Variants in C1QTNF6 observed in about 807,000 individuals in gnomAD.
C1QTNF6 encodes the protein C1q and TNF related 6.
A neutral mutation model predicts 20.7 loss-of-function variants in C1QTNF6; 17 were observed. The ratio of observed to expected loss-of-function variants is 0.82; its 90% CI spans 0.56 to 1.23. The LOEUF (loss-of-function observed/expected upper bound fraction) is 1.23, where lower values mean the gene tolerates loss of function less well. C1QTNF6 is among the 50% of genes most tolerant of loss of function. The pLI is 0.00. For synonymous variants in C1QTNF6, 130 were observed against 156.3 expected (o/e 0.83, Z 1.25); for missense variants, 329 against 389.7 (o/e 0.84, Z 1.31).
chr22:37,196,859 C>G (rs1925167531), intron 1 of C1QTNF6: 1 of 152,254 alleles, frequency 6.6e-6, no homozygotes, highest in Non-Finnish European at 1.5e-5. Flanking sequence ...CCCCTGGGCT[C>G]TGCGTCCTCA....
In C1QTNF6 at chr22:37,184,565, A is replaced by G; in HGVS notation, c.289+653T>C. Reference sequence around the variant, plus strand: ...TCACCTGGATGGCCCTCACCTGGACAGGCCCCACAGGGCTGCATGCTCCGA... The same window carrying G: ...TCACCTGGATGGCCCTCACCTGGACGGGCCCCACAGGGCTGCATGCTCCGA... On this transcript the variant is annotated intron_variant, in intron 2 of 2. Coordinates refer to ENST00000337843, the MANE Select transcript of C1QTNF6 (RefSeq NM_031910.4). This position sits in a 1 kb window ranked among gnomAD's most constrained non-coding sequence, Gnocchi z 4.0. 1.5e-6 allele frequency: 1 copy of G among 657,578 alleles called. No individual in the cohort carries two copies. The highest frequency in any genetic ancestry group is 2.8e-6 in the Non-Finnish European group (1 of 358,044). 40.7% of individuals were successfully genotyped at this position (657,578 alleles called of 1,614,324 possible). A position where few individuals can be genotyped will look rare whatever the true frequency, so the allele number is the denominator to read the frequency against.
intron 1 of C1QTNF6, among the ~76,000 whole-genome samples, chr22:37,187,860 G>T (rs2145772652): frequency 6.6e-6 from 1 of 152,222 alleles, no homozygotes; most frequent in African/African-American, 2.4e-5. Context: ...GACTTTTGGG[G>T]TCCTTGCTGC....
rs140234868 is a variant in C1QTNF6, at chr22:37,182,193, C to A, written c.832G>T (p.Asp278Tyr). The A allele has an allele frequency of 6.2e-7, 1 of 1,607,904 alleles. No individual in the cohort carries two copies. The change falls in exon 3 of 3, where the codon GAC becomes TAC. Residue 278 changes from aspartate (D) to tyrosine (Y), a missense_variant. By Grantham distance (160) the Asp-to-Tyr change is radical. Transcript: ENST00000337843. The stretch of plus-strand genomic sequence containing the variant: ...GGAGGGTGGCCCAGAGGCCCTCAGT[C>A]GTCCTCGGCCTTGATGAGGTGGCCG... ...FSGHLIKAEDD is the reference protein window; with the variant it reads ...FSGHLIKAEDY
intron 1 of C1QTNF6, among the ~76,000 whole-genome samples, chr22:37,186,587 G>A (rs1253260039): frequency 1.3e-5 from 2 of 152,232 alleles, no homozygotes; most frequent in African/African-American, 2.4e-5. Flanking sequence ...GGGGTCTAGG[G>A]CTCCAGGAGA....
rs747547190 is a variant in C1QTNF6, at chr22:37,185,315, G to T, written c.192C>A (p.Asp64Glu). 2.4e-5 allele frequency: 38 copies of T among 1,613,372 alleles called. No homozygotes were observed. In the South Asian group the frequency reaches 3.6e-4, roughly 15 times the overall value. Residue 64 changes from aspartate to glutamate, a missense_variant, in exon 2 of 3, where the codon GAC (aspartate) becomes GAA (glutamate). Physicochemically the swap from Asp to Glu is conservative, Grantham distance 45 (BLOSUM62 2). Transcript: ENST00000337843. ...SGCQRCCDSE[D>E]PLDPAHVSSA... ...AGGATACATGGGCAGGATCCAGGGG[G>T]TCCTCAGAGTCACAGCACCGTTGGC...
chr22:37,184,412 G>A lies in C1QTNF6; in HGVS notation c.289+806C>T, dbSNP rs1311020100. Reference sequence around the variant, plus strand: ...TCACAGCCGTCAGCCACCACAGCCTGGAAGGGAAGCGAGTCCTTCCACGTC... The same window carrying A: ...TCACAGCCGTCAGCCACCACAGCCTAGAAGGGAAGCGAGTCCTTCCACGTC... On this transcript the variant is annotated intron_variant, in intron 2 of 2. Coordinates refer to ENST00000337843, the MANE Select transcript of C1QTNF6 (RefSeq NM_031910.4). This position sits in a 1 kb window ranked among gnomAD's most constrained non-coding sequence, Gnocchi z 4.0. The A allele has an allele frequency of 1.4e-6, 1 of 717,340 alleles. No homozygotes were observed. The highest frequency in any genetic ancestry group is 2.6e-6 in the Non-Finnish European group (1 of 385,038). The allele number at this position is 717,340 out of a possible 1,614,324, so 44.4% of individuals were successfully genotyped here. A position where few individuals can be genotyped will look rare whatever the true frequency, so the allele number is the denominator to read the frequency against.
chr22:37,185,677 T>C, intron 1 of C1QTNF6: 2 of 1,246,006 alleles, frequency 1.6e-6, no homozygotes. Context: ...GCCTGCATGC[T>C]GAGTCTCCGG....
At chr22:37,186,695 G>C (rs575264522) in intron 1 of C1QTNF6, among the ~76,000 whole-genome samples, 11 of 152,304 alleles carry the variant, frequency 7.2e-5, no homozygotes, top group Non-Finnish European at 1.3e-4. Flanking sequence ...TGCAGCTTCT[G>C]GGGGCTGGTG....
intron 2 of C1QTNF6, among the ~76,000 whole-genome samples, chr22:37,194,660 G>A (rs1056870253): frequency 6.6e-6 from 1 of 152,184 alleles, no homozygotes; most frequent in African/African-American, 2.4e-5. Flanking sequence ...AGGCTGCATG[G>A]GGAAACCAAA....
In C1QTNF6 at chr22:37,185,933, A is replaced by T. The variant is rs944989878; in HGVS notation, c.52-478T>A. 7.1e-6 allele frequency: 7 copies of T among 986,164 alleles called. No homozygotes were observed. The East Asian group carries it at 5.7e-4, about 80-fold the overall frequency. The allele number at this position is 986,164 out of a possible 1,614,324, so 61.1% of individuals were successfully genotyped here. On this transcript the variant is annotated intron_variant, in intron 1 of 2. Transcript: ENST00000337843. Reference sequence around the variant, plus strand: ...TCCAGCAAACACATGCCCTCCGGGCAGGAGGACTGAGGTTAGTGAACACTG... The same window carrying T: ...TCCAGCAAACACATGCCCTCCGGGCTGGAGGACTGAGGTTAGTGAACACTG...
intron 1 of C1QTNF6, among the ~76,000 whole-genome samples, chr22:37,186,239 T>C (rs1284941665): frequency 6.6e-6 from 1 of 152,160 alleles, no homozygotes; most frequent in Admixed American, 6.5e-5. Context: ...AAGGTGCCCC[T>C]CTGGACAAAT....
intron 2 of C1QTNF6, among the ~76,000 whole-genome samples, chr22:37,194,208 G>A (rs1443550523): frequency 4.6e-5 from 7 of 152,158 alleles, no homozygotes; most frequent in African/African-American, 7.2e-5. Context: ...TGTAACTGAC[G>A]AGTTTGCTGG....
At chr22:37,188,124 AC>A in intron 1 of C1QTNF6, 38 bp downstream of exon 1, 1 of 1,580,514 alleles carries the variant, frequency 6.3e-7, no homozygotes, top group Non-Finnish European at 8.6e-7. Flanking sequence ...CCAGGCTCTG[AC>A]CCCAGCCCCC....
chr22:37,188,076 G>C, intron 1 of C1QTNF6, 87 bp downstream of exon 1: 1 of 1,390,752 alleles, frequency 7.2e-7, no homozygotes, highest in Non-Finnish European at 9.9e-7. Flanking sequence ...AGCAGGGCCC[G>C]AGATGCTTCC....
At chr22:37,189,571 T>A (rs949871227), upstream of C1QTNF6, among the ~76,000 whole-genome samples, 1 of 152,214 alleles carries the variant, frequency 6.6e-6, no homozygotes, top group Non-Finnish European at 1.5e-5. Context: ...TCAGGCTGAA[T>A]AGAGGCGATG....
chr22:37,182,320 C>A lies in C1QTNF6; in HGVS notation c.705G>T (p.Met235Ile). The A allele has an allele frequency of 6.2e-7, 1 of 1,614,224 alleles. No homozygotes were observed. The change falls in exon 3 of 3, where the codon ATG (methionine) becomes ATT (isoleucine). Residue 235 changes from methionine (M) to isoleucine (I), a missense_variant. Coordinates refer to ENST00000337843, the MANE Select transcript of C1QTNF6 (RefSeq NM_031910.4). ...ERSIMQSQSV[M>I]LDLAYGDRVW... ...CGCGGTCCCCGTAGGCCAGGTCCAGCATCACACTCTGGCTCTGCATGATGC... is the reference window on the plus strand; with the variant it reads ...CGCGGTCCCCGTAGGCCAGGTCCAGAATCACACTCTGGCTCTGCATGATGC...
At chr22:37,187,831 G>A (rs1238942042) in intron 1 of C1QTNF6, among the ~76,000 whole-genome samples, 1 of 152,112 alleles carries the variant, frequency 6.6e-6, no homozygotes, top group African/African-American at 2.4e-5. Context: ...ACCAAGTGTG[G>A]GAACCAAGTC....
In C1QTNF6 at chr22:37,181,938, G is replaced by A; in HGVS notation, c.*250C>T. 3 of 518,932 alleles carry A rather than the reference G, an allele frequency of 5.8e-6. No individual in the cohort carries two copies. The South Asian group carries it at 7.9e-5, about 14-fold the overall frequency. The allele number at this position is 518,932 out of a possible 1,614,324, so 32.1% of individuals were successfully genotyped here. A position where few individuals can be genotyped will look rare whatever the true frequency, so the allele number is the denominator to read the frequency against. On this transcript the variant is annotated 3_prime_UTR_variant, in exon 3 of 3. Transcript: ENST00000337843. The stretch of plus-strand genomic sequence containing the variant: ...GCATTTCCAAGTTTGAGAAGTGCTG[G>A]GCTACGAGGCTGGGAAAGTTCTAGA...
In C1QTNF6 at chr22:37,184,535, A is replaced by AGCCCTCACCTGGACG. The variant is rs1555901510; in HGVS notation, c.289+682_289+683insCGTCCAGGTGAGGGC. 3.7e-5 allele frequency: 26 copies of AGCCCTCACCTGGACG among 705,306 alleles called. No individual in the cohort carries two copies. The highest frequency in any genetic ancestry group is 5.5e-5 in the Non-Finnish European group (21 of 380,168). 43.7% of individuals were successfully genotyped at this position (705,306 alleles called of 1,614,324 possible). The stretch of plus-strand genomic sequence containing the variant: ...TCACCTGGACAGCCCTCACCTGGAC[A>AGCCCTCACCTGGACG]GCCCTCACCTGGATGGCCCTCACCT... On this transcript the variant is annotated intron_variant, in intron 2 of 2. Transcript: ENST00000337843. This position sits in a 1 kb window ranked among gnomAD's most constrained non-coding sequence, Gnocchi z 4.0.
Sources: gnomAD v4.1 joint callset for allele counts (sites outside exome capture counted in the v4.1 genomes callset) on GRCh38, gnomAD v4.1.1 for gene constraint, Gnocchi (gnomAD v3.1) non-coding constraint, MANE v1.5 for transcripts, NCBI Gene and HGNC (gene_info 2026-07-23, HGNC 2026-07-21) for gene names.